The following CCDC73 variants were observed in gnomAD, a reference collection of about 807,000 sequenced individuals.
The protein encoded by CCDC73 is coiled-coil domain-containing protein 73.
In CCDC73, 95 loss-of-function variants were observed where a neutral mutation model predicts 116.5. The observed-to-expected ratio is 0.82, with a 90% CI of 0.69 to 0.97. CCDC73 has a LOEUF of 0.97. Among genes scored for constraint, CCDC73 ranks in the 50% least tolerant of loss-of-function variants. CCDC73 has a pLI of 0.00. For synonymous variants in CCDC73, 398 were observed against 401.3 expected (o/e 0.99, Z 0.10); for missense variants, 1,066 against 1,206.8 (o/e 0.88, Z 1.73).
the CCDC73 span, among the ~76,000 whole-genome samples, chr11:32,818,616 T>C: frequency 2.6e-5 from 4 of 152,324 alleles, no homozygotes; most frequent in East Asian, 7.7e-4. Flanking sequence ...TGAGTGTTCA[T>C]AGCAGCATTA....
At chr11:32,635,206 T>G (rs1416090477) in intron 14 of CCDC73, among the ~76,000 whole-genome samples, 1 of 152,094 alleles carries the variant, frequency 6.6e-6, no homozygotes, top group African/African-American at 2.4e-5. Context: ...AAACAGAAAT[T>G]GAGACATTGA....
chr11:32,642,411 C>A (rs1855741534), intron 12 of CCDC73, among the ~76,000 whole-genome samples: 1 of 151,918 alleles, frequency 6.6e-6, no homozygotes, highest in Non-Finnish European at 1.5e-5. Flanking sequence ...CACGATCCAG[C>A]CTAACTCTAC....
intron 2 of CCDC73, among the ~76,000 whole-genome samples, chr11:32,730,850 T>C (rs1376487384): frequency 1.3e-5 from 2 of 152,242 alleles, no homozygotes; most frequent in Non-Finnish European, 2.9e-5. Flanking sequence ...GCATGAGCGA[T>C]GCAGAAGATG....
In CCDC73 at chr11:32,755,879, CTGTG is replaced by C. The variant is rs1356898378; in HGVS notation, c.135+4226_135+4229del. Among the ~76,000 whole-genome samples the C allele has an allele frequency of 5.9e-4, 63 of 106,774 alleles. 2 individuals are homozygous for C. The highest frequency in any genetic ancestry group is 2.1e-3 in the South Asian group (7 of 3,386). 70.0% of individuals were successfully genotyped at this position (106,774 alleles called of 152,430 possible). A position where few individuals can be genotyped will look rare whatever the true frequency, so the allele number is the denominator to read the frequency against. On this transcript the variant is annotated intron_variant, in intron 2 of 17. Coordinates refer to ENST00000335185, the MANE Select transcript of CCDC73 (RefSeq NM_001008391.4). The stretch of plus-strand genomic sequence containing the variant: ...TGTGTATATATCTCCATATATATAT[CTGTG>C]TATATATCTCCATATATATCTATAT...
chr11:32,689,389 T>G (rs1025351285), intron 6 of CCDC73, among the ~76,000 whole-genome samples: 1 of 152,034 alleles, frequency 6.6e-6, no homozygotes, highest in African/African-American at 2.4e-5. Context: ...GGCTCACAAT[T>G]TAAAATGTAT....
At chr11:32,632,988 C>CA (rs1397068944) in intron 14 of CCDC73, among the ~76,000 whole-genome samples, 1 of 152,032 alleles carries the variant, frequency 6.6e-6, no homozygotes, top group Admixed American at 6.6e-5. Flanking sequence ...AAATTAATAG[C>CA]AAAAATCCAT....
intron 9 of CCDC73, among the ~76,000 whole-genome samples, chr11:32,674,220 C>T (rs1429446985): frequency 6.6e-6 from 1 of 152,154 alleles, no homozygotes; most frequent in Non-Finnish European, 1.5e-5. Flanking sequence ...AAATGGTACT[C>T]AGTAAATATT....
intron 17 of CCDC73, among the ~76,000 whole-genome samples, chr11:32,610,401 A>G (rs1296055330): frequency 6.6e-6 from 1 of 152,220 alleles, no homozygotes; most frequent in Non-Finnish European, 1.5e-5. Context: ...CCTATTTAGA[A>G]AGGAAAATAA....
the CCDC73 span, among the ~76,000 whole-genome samples, chr11:32,823,067 A>G: frequency 6.6e-6 from 1 of 152,168 alleles, no homozygotes; most frequent in Admixed American, 6.5e-5. Flanking sequence ...CAGGATTTTT[A>G]GCCCAGCCTG....
chr11:32,685,835 C>T (rs1267874903), intron 6 of CCDC73, among the ~76,000 whole-genome samples: 2 of 150,318 alleles, frequency 1.3e-5, no homozygotes, highest in Admixed American at 6.7e-5. Flanking sequence ...AATTCTCCTG[C>T]CTCAGCCTCC....
intron 2 of CCDC73, among the ~76,000 whole-genome samples, chr11:32,732,755 G>T (rs1262149770): frequency 6.6e-6 from 1 of 152,124 alleles, no homozygotes; most frequent in Admixed American, 6.5e-5. Context: ...CCTTACAAGA[G>T]CTCCTGAAGG....
At chr11:32,823,627 GAA>G in the CCDC73 span, among the ~76,000 whole-genome samples, 1 of 140,000 alleles carries the variant, frequency 7.1e-6, no homozygotes, top group African/African-American at 2.6e-5. Context: ...AGCAAAATTG[GAA>G]AAAAAAAAAG....
At chr11:32,745,690 A>G (rs1272886346) in intron 2 of CCDC73, among the ~76,000 whole-genome samples, 1 of 150,462 alleles carries the variant, frequency 6.6e-6, no homozygotes, top group African/African-American at 2.4e-5. Context: ...TTGTTTGTTT[A>G]AAGTCCAGGA....
At chr11:32,606,857 C>T (rs1418337010) in intron 17 of CCDC73, among the ~76,000 whole-genome samples, 2 of 132,058 alleles carry the variant, frequency 1.5e-5, no homozygotes, top group Admixed American at 8.5e-5. Context: ...GTCACCCAGG[C>T]TGGAGTGCAG....
At chr11:32,685,064 AT>A (rs928525246) in intron 6 of CCDC73, among the ~76,000 whole-genome samples, 19 of 152,194 alleles carry the variant, frequency 1.2e-4, no homozygotes, top group Admixed American at 3.3e-4. Context: ...TCCTACTTAT[AT>A]TTTTTAAACT....
chr11:32,726,768 C>G (rs921765057), intron 2 of CCDC73, among the ~76,000 whole-genome samples: 1 of 151,858 alleles, frequency 6.6e-6, no homozygotes, highest in Non-Finnish European at 1.5e-5. Flanking sequence ...TAGAAATAAG[C>G]TAGAAATCAA....
chr11:32,747,375 G>A (rs939138464), intron 2 of CCDC73, among the ~76,000 whole-genome samples: 3 of 152,144 alleles, frequency 2.0e-5, no homozygotes, highest in Admixed American at 2.0e-4. Flanking sequence ...TCCCAGTCAG[G>A]CTAAAGGGGG....
chr11:32,746,368 T>G (rs1338711851), intron 2 of CCDC73, among the ~76,000 whole-genome samples: 2 of 152,238 alleles, frequency 1.3e-5, no homozygotes, highest in East Asian at 3.8e-4. Context: ...ATTTTTTCCT[T>G]CATTTCAACC....
At chr11:32,711,250 A>C (rs766880723) in intron 3 of CCDC73, among the ~76,000 whole-genome samples, 5 of 152,176 alleles carry the variant, frequency 3.3e-5, no homozygotes, top group South Asian at 2.1e-4. Context: ...TAAAAAACTA[A>C]AAGTAGATCT....
Sources: gnomAD v4.1 joint callset for allele counts (sites outside exome capture counted in the v4.1 genomes callset) on GRCh38, gnomAD v4.1.1 for gene constraint, MANE v1.5 for transcripts, NCBI Gene and HGNC (gene_info 2026-07-23, HGNC 2026-07-21) for gene names.